The following BAP1 variants were observed in gnomAD, a reference collection of about 807,000 sequenced individuals.
The protein encoded by BAP1 is ubiquitin carboxyl-terminal hydrolase BAP1.
Under a neutral mutation model 77.2 loss-of-function variants are expected in BAP1, and 16 were observed. The observed-to-expected ratio is 0.21, with a 90% confidence interval of 0.14 to 0.31. The LOEUF (loss-of-function observed/expected upper bound fraction) is 0.31. BAP1 is among the 10% of genes least tolerant of loss of function. The probability of loss-of-function intolerance (pLI) is 1.00; values close to 1 mark genes in which losing one functional copy is unlikely to be tolerated. For synonymous variants in BAP1, 362 were observed against 385.2 expected, an observed-to-expected ratio of 0.94 and a Z score of 0.71; for missense variants, 699 against 967.3, an observed-to-expected ratio of 0.72 and a Z score of 3.68.
In BAP1 at chr3:52,406,693, G is replaced by A; in HGVS notation, c.659+136C>T. The stretch of plus-strand genomic sequence containing the variant: ...GGCAGGAAATAAGACAACAAGTTGA[G>A]AACCCATGATCTAAGCCTGATCTTG... On this transcript the variant is annotated intron_variant, in intron 8 of 16. Coordinates refer to ENST00000460680, the MANE Select transcript of BAP1 (RefSeq NM_004656.4). This position sits in a 1 kb window ranked among gnomAD's most constrained non-coding sequence, Gnocchi z 4.6. 1 of 1,117,904 alleles carries A rather than the reference G, an allele frequency of 8.9e-7. No homozygotes were observed. The highest frequency in any genetic ancestry group is 1.3e-6 in the Non-Finnish European group (1 of 765,890). The allele number at this position is 1,117,904 out of a possible 1,614,324, so 69.2% of individuals were successfully genotyped here.
intron 10 of BAP1, chr3:52,405,547 G>A: frequency 1.5e-6 from 1 of 688,130 alleles, no homozygotes; most frequent in Non-Finnish European, 2.4e-6. Context: ...ACAAGAAAGG[G>A]AGTGTACATT....
At position 52,403,324 on chromosome 3, in the gene BAP1, C is replaced by T. The variant is rs1705030704; in HGVS notation, c.1730-26G>A. 6.2e-7 allele frequency: 1 copy of T among 1,613,184 alleles called. No homozygotes were observed. The highest frequency in any genetic ancestry group is 1.1e-5 in the South Asian group (1 of 91,082). On this transcript the variant is annotated intron_variant, in intron 13 of 16. Transcript: ENST00000460680. This position sits in a 1 kb window ranked among gnomAD's most constrained non-coding sequence, Gnocchi z 4.0. ...CTGGGAAGAGAGGTCACAAGAAAAT[C>T]ATCAGAGTGCAGGACACTTTGTGGT...
At position 52,402,803 on chromosome 3, in the gene BAP1, C is replaced by T. The variant is rs751219874; in HGVS notation, c.1959G>A (p.Glu653=). 11 of 1,614,222 alleles carry T rather than the reference C, an allele frequency of 6.8e-6. No homozygotes were observed. The Middle Eastern group carries it at 6.6e-4, about 97-fold the overall frequency. ...CCTTGAACTTCTTCCTCTTCTCTAC[C>T]TCCTCCTTGAGGCACGCCTCATAGT... The part of the protein sequence containing the change: ...IANYEACLKE[E]VEKRKKFKID... The change falls in exon 15 of 17, where the codon GAG becomes GAA. Residue 653 remains glutamate (E), a synonymous_variant. Transcript: ENST00000460680. The surrounding 1 kb of genome is among the most constrained non-coding windows in gnomAD (Gnocchi z 5.3).
chr3:52,408,335 T>A, intron 4 of BAP1, 139 bp downstream of exon 4: 1 of 1,400,154 alleles, frequency 7.1e-7, no homozygotes, highest in Non-Finnish European at 9.9e-7. Context: ...AAGAGTTCAG[T>A]TCGTTCTGCC....
chr3:52,409,944 G>C lies in BAP1; in HGVS notation c.-66C>G. Reference sequence around the variant, plus strand: ...CCCTCCCCACCGCTGCCCCCACCGGGAGCCCCCACCGCCCCCGGGGCCCCT... The same window carrying C: ...CCCTCCCCACCGCTGCCCCCACCGGCAGCCCCCACCGCCCCCGGGGCCCCT... On this transcript the variant is annotated 5_prime_UTR_variant, in exon 1 of 17. Coordinates refer to ENST00000460680, the MANE Select transcript of BAP1 (RefSeq NM_004656.4). 1 of 1,571,688 alleles carries C rather than the reference G, an allele frequency of 6.4e-7. No homozygotes were observed. The highest frequency in any genetic ancestry group is 8.6e-7 in the Non-Finnish European group (1 of 1,165,742).
Position 52,409,834 on chromosome 3 carries a change from C to T in BAP1, c.37+8G>A, listed in dbSNP as rs2153228677. The T allele has an allele frequency of 6.2e-7, 1 of 1,612,496 alleles. No individual in the cohort carries two copies. The highest frequency in any genetic ancestry group is 8.5e-7 in the Non-Finnish European group (1 of 1,179,926). ...CCCAGCCCCTGGCCCTCCCGGTCCC[C>T]TCCTCACCTGGGTCGCTCTCCAGCT... On this transcript the variant is annotated splice_region_variant and intron_variant, in intron 1 of 16. Transcript: ENST00000460680.
intron 5 of BAP1, 149 bp from the exon 6 acceptor site, chr3:52,407,609 A>G (rs1705209010): frequency 8.8e-7 from 1 of 1,134,610 alleles, no homozygotes; most frequent in South Asian, 1.3e-5. Context: ...GTGGGGGCAG[A>G]AAAGAGCTCT....
chr3:52,403,904 C>T lies in BAP1; in HGVS notation c.1251-10G>A. 6.2e-7 allele frequency: 1 copy of T among 1,613,256 alleles called. No homozygotes were observed. The highest frequency in any genetic ancestry group is 1.1e-5 in the South Asian group (1 of 91,076). On this transcript the variant is annotated splice_polypyrimidine_tract_variant and intron_variant, in intron 12 of 16. Transcript: ENST00000460680. This position sits in a 1 kb window ranked among gnomAD's most constrained non-coding sequence, Gnocchi z 4.0. ...TCCCTTCCCCTTATACCTGTGGGGC[C>T]CGAGAAGATGTGAAGCAAGGGAACG...
intron 4 of BAP1, 76 bp downstream of exon 4, chr3:52,408,398 C>A: frequency 1.3e-6 from 2 of 1,572,024 alleles, no homozygotes; most frequent in Non-Finnish European, 1.7e-6. Flanking sequence ...CTCCTCCTGT[C>A]TTCCTCCATT....
At chr3:52,409,649 T>C (rs1381477945) in intron 2 of BAP1, 41 bp from the exon 3 acceptor site, 1 of 1,614,068 alleles carries the variant, frequency 6.2e-7, no homozygotes, top group Non-Finnish European at 8.5e-7. Flanking sequence ...GGACAGCCCC[T>C]GATGAGTGAG....
rs1007276304 is a variant in BAP1 at position 52,401,873 on chromosome 3, C to A, written c.*415G>T. 1 of 324,946 alleles carries A rather than the reference C, an allele frequency of 3.1e-6. No individual in the cohort carries two copies. Among genetic ancestry groups the A allele is most frequent in the Non-Finnish European group, 5.8e-6 (1 of 172,262 alleles). 20.1% of individuals were successfully genotyped at this position (324,946 alleles called of 1,614,324 possible). On this transcript the variant is annotated 3_prime_UTR_variant, in exon 17 of 17. Transcript: ENST00000460680. ...CGTGGCATGATACAAGGACCTGGGCCCACCAGGACAGCTCCTAGGAGAGAA... is the reference window on the plus strand; with the variant it reads ...CGTGGCATGATACAAGGACCTGGGCACACCAGGACAGCTCCTAGGAGAGAA...
intron 11 of BAP1, 82 bp from the exon 12 acceptor site, chr3:52,404,668 C>A: frequency 6.5e-7 from 1 of 1,546,328 alleles, no homozygotes; most frequent in Non-Finnish European, 8.7e-7. Flanking sequence ...GAGAGAAAGC[C>A]AACATGGTTT....
At chr3:52,408,257 G>C (rs1200587165) in intron 4 of BAP1, among the ~76,000 whole-genome samples, 180 bp from the exon 5 acceptor site, 1 of 152,120 alleles carries the variant, frequency 6.6e-6, no homozygotes, top group Non-Finnish European at 1.5e-5. Flanking sequence ...ATACCCACTG[G>C]ATATCTGAGG....
In BAP1 at chr3:52,404,570, G is replaced by A. The variant is rs1466585782; in HGVS notation, c.1133C>T (p.Ala378Val). 5.0e-6 allele frequency: 8 copies of A among 1,613,524 alleles called. No homozygotes were observed. Among genetic ancestry groups the A allele is most frequent in the East Asian group, 2.2e-5 (1 of 44,890 alleles). The change falls in exon 12 of 17, where the codon GCG becomes GTG. Residue 378 changes from alanine to valine, a missense_variant. Ala to Val is a moderately conservative substitution (Grantham distance 64, BLOSUM62 0). Transcript: ENST00000460680. ...KSPMQEEEDL[A>V]AGVGRSRVPV... ...AACTCGGCTGCGGCCCACACCTGCC[G>A]CCAGGTCTTCTTCCTCCTGGGACAA...
chr3:52,402,504 A>G lies in BAP1; in HGVS notation c.2057-83T>C, dbSNP rs762517888. The stretch of plus-strand genomic sequence containing the variant: ...GCTCTCATGGCCCTCCCTGTGCCCC[A>G]AGGTCTGCTCAAGCCTCAGGAGAGG... On this transcript the variant is annotated intron_variant, in intron 16 of 16. Transcript: ENST00000460680. The surrounding 1 kb of genome is among the most constrained non-coding windows in gnomAD (Gnocchi z 5.3). The G allele has an allele frequency of 2.6e-5, 41 of 1,606,028 alleles. No homozygotes were observed. Among genetic ancestry groups the G allele is most frequent in the Non-Finnish European group, 3.3e-5 (39 of 1,176,132 alleles).
intron 5 of BAP1, 41 bp downstream of exon 5, chr3:52,407,917 C>T (rs2153228052): frequency 6.2e-7 from 1 of 1,612,182 alleles, no homozygotes; most frequent in Non-Finnish European, 8.5e-7. Context: ...GTCAGATCTG[C>T]CCAGTTGGCT....
rs1438140454 is a variant in BAP1 at position 52,407,161 on chromosome 3, T to C, written c.580+13A>G. ...CAGAGACACCCAACAGGCCTCCAGC[T>C]CATGGTGCCTACCATGGTCAATGGG... On this transcript the variant is annotated intron_variant, in intron 7 of 16. Transcript: ENST00000460680. 7 of 1,613,520 alleles carry C rather than the reference T, an allele frequency of 4.3e-6. No homozygotes were observed. Among genetic ancestry groups the C allele is most frequent in the Non-Finnish European group, 2.5e-6 (3 of 1,180,012 alleles).
chr3:52,409,971 A>T lies in BAP1; in HGVS notation c.-93T>A. 2 of 1,525,118 alleles carry T rather than the reference A, an allele frequency of 1.3e-6. No homozygotes were observed. The highest frequency in any genetic ancestry group is 1.8e-6 in the Non-Finnish European group (2 of 1,136,172). 94.5% of individuals were successfully genotyped at this position (1,525,118 alleles called of 1,614,324 possible). On this transcript the variant is annotated 5_prime_UTR_variant, in exon 1 of 17. Transcript: ENST00000460680. ...GCCCCCACCGCCCCCGGGGCCCCTC[A>T]GTCCCACACACAGACAACGGGCCCA...
At chr3:52,405,366 C>T (rs1705117801) in intron 10 of BAP1, 72 bp from the exon 11 acceptor site, 6 of 1,593,178 alleles carry the variant, frequency 3.8e-6, no homozygotes, top group Non-Finnish European at 5.1e-6. Context: ...CTCCCCGGCC[C>T]TGTGAACCAG....
Sources: gnomAD v4.1 joint callset for allele counts (sites outside exome capture counted in the v4.1 genomes callset) on GRCh38, gnomAD v4.1.1 for gene constraint, Gnocchi (gnomAD v3.1) non-coding constraint, MANE v1.5 for transcripts, NCBI Gene and HGNC (gene_info 2026-07-23, HGNC 2026-07-21) for gene names.